Variants in MKX observed in about 807,000 individuals in gnomAD.
MKX encodes the protein homeobox protein Mohawk.
MKX carries 13 observed loss-of-function variants against 36.0 expected under a neutral mutation model. The ratio of observed to expected loss-of-function variants is 0.36; its 90% CI spans 0.24 to 0.57. The LOEUF is 0.57. MKX is among the 20% of genes least tolerant of loss of function. The probability of loss-of-function intolerance (pLI) is 0.79; values close to 1 mark genes in which losing one functional copy is unlikely to be tolerated. For synonymous variants in MKX, 176 were observed against 178.3 expected (o/e 0.99, Z 0.10); for missense variants, 458 against 456.4 (o/e 1.00, Z -0.03).
At chr10:27,730,459 C>CTT (rs11479538) in intron 5 of MKX, among the ~76,000 whole-genome samples, 5 of 134,620 alleles carry the variant, frequency 3.7e-5, no homozygotes, top group East Asian at 2.1e-4. Context: ...TTTCAACTGG[C>CTT]TTTTTTTTTT....
At chr10:27,709,665 G>A (rs897950686) in intron 5 of MKX, among the ~76,000 whole-genome samples, 1 of 152,112 alleles carries the variant, frequency 6.6e-6, no homozygotes, top group African/African-American at 2.4e-5. Flanking sequence ...GGGATGAAAG[G>A]GATACTAGCC....
At chr10:27,695,858 T>G (rs1335581129) in intron 5 of MKX, among the ~76,000 whole-genome samples, 1 of 152,212 alleles carries the variant, frequency 6.6e-6, no homozygotes, top group African/African-American at 2.4e-5. Context: ...GAGAGCTGTG[T>G]GGGACAAGGG....
At chr10:27,711,494 T>TCCCTTC (rs1554772213) in intron 5 of MKX, among the ~76,000 whole-genome samples, 3 of 34,152 alleles carry the variant, frequency 8.8e-5, no homozygotes, top group African/African-American at 4.3e-4. Context: ...TCTCTCTCTC[T>TCCCTTC]CTTCTTTCCT....
rs780600706 is a variant in MKX at position 27,734,809 on chromosome 10, C to T, written c.503-18G>A. On this transcript the variant is annotated intron_variant, in intron 4 of 6. Coordinates refer to ENST00000419761, the MANE Select transcript of MKX (RefSeq NM_173576.3). ...TTCTCCATCTAAAGTGGAACAGTAT[C>T]ACTAAGTAGGGTGGTATGCATACTT... The T allele has an allele frequency of 1.9e-6, 3 of 1,584,384 alleles. No individual in the cohort carries two copies. In the South Asian group the frequency reaches 3.5e-5, roughly 18 times the overall value.
chr10:27,732,520 A>G (rs1461278819), intron 5 of MKX, among the ~76,000 whole-genome samples: 3 of 152,074 alleles, frequency 2.0e-5, no homozygotes, highest in East Asian at 1.9e-4. Context: ...GTAATTTCCA[A>G]TTTTAATTTG....
At chr10:27,698,461 G>A (rs1050007832) in intron 5 of MKX, among the ~76,000 whole-genome samples, 1 of 152,126 alleles carries the variant, frequency 6.6e-6, no homozygotes, top group Non-Finnish European at 1.5e-5. Flanking sequence ...GGCAAAATTC[G>A]AGAGATATTT....
intron 5 of MKX, among the ~76,000 whole-genome samples, chr10:27,707,402 C>A (rs1564354854): frequency 6.6e-6 from 1 of 152,040 alleles, no homozygotes; most frequent in Non-Finnish European, 1.5e-5. Flanking sequence ...GGGTCCTGGG[C>A]ACCATGCTAC....
chr10:27,672,925 G>A lies in MKX; in HGVS notation c.*2304C>T, dbSNP rs1043645243. ...TTAAATCTGTCAAGAACTCCTGGCA[G>A]TTATTAATTTTATTAAAATGATTAC... On this transcript the variant is annotated 3_prime_UTR_variant, in exon 7 of 7. Coordinates refer to ENST00000419761, the MANE Select transcript of MKX (RefSeq NM_173576.3). The A allele has an allele frequency of 1.3e-5, 2 of 152,122 alleles. No individual in the cohort carries two copies. The highest frequency in any genetic ancestry group is 1.5e-5 in the Non-Finnish European group (1 of 68,024). 9.4% of individuals were successfully genotyped at this position (152,122 alleles called of 1,614,324 possible).
chr10:27,689,856 G>A (rs932981599), intron 5 of MKX, among the ~76,000 whole-genome samples: 1 of 152,134 alleles, frequency 6.6e-6, no homozygotes, highest in African/African-American at 2.4e-5. Flanking sequence ...CCTAGAGAAA[G>A]ATTCCCTGCC....
At position 27,675,096 on chromosome 10, in the gene MKX, G is replaced by T; in HGVS notation, c.*133C>A. 1.4e-6 allele frequency: 1 copy of T among 708,342 alleles called. No homozygotes were observed. Among genetic ancestry groups the T allele is most frequent in the Non-Finnish European group, 2.2e-6 (1 of 453,144 alleles). 43.9% of individuals were successfully genotyped at this position (708,342 alleles called of 1,614,324 possible). Reference sequence around the variant, plus strand: ...ATGTCTTTTATAGAAGCAACTAAATGATATATTTGGGATAATTAAAAATAA... The same window carrying T: ...ATGTCTTTTATAGAAGCAACTAAATTATATATTTGGGATAATTAAAAATAA... On this transcript the variant is annotated 3_prime_UTR_variant, in exon 7 of 7. Coordinates refer to ENST00000419761, the MANE Select transcript of MKX (RefSeq NM_173576.3).
chr10:27,733,363 G>T (rs1475867097), intron 5 of MKX, among the ~76,000 whole-genome samples: 1 of 152,132 alleles, frequency 6.6e-6, no homozygotes. Flanking sequence ...CATGGACCAA[G>T]CTTCTTGATA....
intron 5 of MKX, among the ~76,000 whole-genome samples, chr10:27,725,588 A>G (rs1365036023): frequency 1.3e-5 from 2 of 152,108 alleles, no homozygotes; most frequent in Admixed American, 6.6e-5. Flanking sequence ...TTACATCAAC[A>G]AGACAAATTT....
rs753632136 is a variant in MKX at position 27,734,569 on chromosome 10, A to G, written c.725T>C (p.Met242Thr). The G allele has an allele frequency of 1.3e-5, 21 of 1,614,016 alleles. No individual in the cohort carries two copies. In the Admixed American group the frequency reaches 1.8e-4, roughly 14 times the overall value. The change falls in exon 5 of 7, where the codon ATG (methionine) becomes ACG (threonine). Residue 242 changes from methionine to threonine, a missense_variant. This residue lies in a region of MKX where 297 missense variants were observed against 304.4 expected (regional missense o/e 0.98). Coordinates refer to ENST00000419761, the MANE Select transcript of MKX (RefSeq NM_173576.3). Reference sequence around the variant, plus strand: ...GTGGTTTCTTTGCCTTGTTTTTCCCATCATGGTAGTGTTCGTGGCCATGAC... The same window carrying G: ...GTGGTTTCTTTGCCTTGTTTTTCCCGTCATGGTAGTGTTCGTGGCCATGAC... ...RHVMATNTTM[M>T]GKTRQRNHSG...
chr10:27,734,213 T>A (rs1834697710), intron 5 of MKX, among the ~76,000 whole-genome samples: 1 of 151,976 alleles, frequency 6.6e-6, no homozygotes, highest in South Asian at 2.1e-4. Flanking sequence ...AATTAAAAAA[T>A]ATAAAAAGAA....
chr10:27,675,166 T>C lies in MKX; in HGVS notation c.*63A>G, dbSNP rs991655938. ...TCATTTTCATCCCTGCTTCGGCTCT[T>C]AGGATGAGGGTTGATGAAAACACCG... is the stretch of plus-strand genomic sequence containing the variant. On this transcript the variant is annotated 3_prime_UTR_variant, in exon 7 of 7. Transcript: ENST00000419761. The C allele has an allele frequency of 1.3e-6, 2 of 1,503,730 alleles. No homozygotes were observed. The highest frequency in any genetic ancestry group is 1.4e-5 in the African/African-American group (1 of 71,970). 93.1% of individuals were successfully genotyped at this position (1,503,730 alleles called of 1,614,324 possible).
At position 27,674,386 on chromosome 10, in the gene MKX, A is replaced by C. The variant is rs1485068996; in HGVS notation, c.*843T>G. 6.6e-6 allele frequency: 1 copy of C among 152,654 alleles called. No homozygotes were observed. The highest frequency in any genetic ancestry group is 1.5e-5 in the Non-Finnish European group (1 of 68,036). 9.5% of individuals were successfully genotyped at this position (152,654 alleles called of 1,614,324 possible). A position where few individuals can be genotyped will look rare whatever the true frequency, so the allele number is the denominator to read the frequency against. The stretch of plus-strand genomic sequence containing the variant: ...CCATCACAAAAAGACAGTGAGCTCT[A>C]ATGCAAACAGGATTATGTTTTAAAA... On this transcript the variant is annotated 3_prime_UTR_variant, in exon 7 of 7. Coordinates refer to ENST00000419761, the MANE Select transcript of MKX (RefSeq NM_173576.3).
intron 5 of MKX, among the ~76,000 whole-genome samples, chr10:27,721,280 G>C (rs1834371182): frequency 6.6e-6 from 1 of 150,578 alleles, no homozygotes; most frequent in Non-Finnish European, 1.5e-5. Context: ...AATGGAAGTA[G>C]ACATACCCTG....
intron 5 of MKX, among the ~76,000 whole-genome samples, chr10:27,720,922 C>T (rs1052145824): frequency 2.6e-5 from 4 of 151,980 alleles, no homozygotes; most frequent in Admixed American, 1.3e-4. Flanking sequence ...ACAGCTTTCC[C>T]GTATATCCAT....
At chr10:27,722,634 T>C (rs1311184088) in intron 5 of MKX, among the ~76,000 whole-genome samples, 1 of 152,188 alleles carries the variant, frequency 6.6e-6, no homozygotes, top group Non-Finnish European at 1.5e-5. Flanking sequence ...TCCTGTGGTC[T>C]CATCTACAAG....
Sources: allele counts gnomAD v4.1 joint callset (sites outside exome capture counted in the v4.1 genomes callset), GRCh38; gene constraint gnomAD v4.1.1; regional missense constraint gnomAD v4.1.1; transcripts MANE v1.5; gene names NCBI Gene and HGNC (gene_info 2026-07-23, HGNC 2026-07-21).